Variants in EPHA5 observed in about 807,000 individuals in gnomAD.
EPHA5 encodes EPH receptor A5, also known as ephrin type-A receptor 5.
EPHA5 carries 60 observed loss-of-function variants against 105.0 expected under a neutral mutation model. The ratio of observed to expected loss-of-function variants is 0.57; its 90% CI spans 0.46 to 0.71. The LOEUF (loss-of-function observed/expected upper bound fraction) is 0.71, where lower values mean the gene tolerates loss of function less well. EPHA5 is among the 30% of genes least tolerant of loss of function. EPHA5 has a pLI of 0.00. For missense variants in EPHA5, 1,218 were observed against 1,274.7 expected, an observed-to-expected ratio of 0.96 and a Z score of 0.68; for synonymous variants, 513 against 449.1, an observed-to-expected ratio of 1.14 and a Z score of -1.80.
chr4:65,353,172 C>A (rs2148861112), intron 11 of EPHA5, 69 bp from the exon 12 acceptor site: 3 of 827,476 alleles, frequency 3.6e-6, no homozygotes, highest in Non-Finnish European at 5.1e-6. Context: ...CAAAGCTTAC[C>A]CAGAAGTTTT....
intron 3 of EPHA5, among the ~76,000 whole-genome samples, chr4:65,497,537 A>G (rs1426276942): frequency 6.6e-6 from 1 of 152,110 alleles, no homozygotes; most frequent in Non-Finnish European, 1.5e-5. Context: ...AGCTTATGCC[A>G]TACTTAGCTA....
rs141146865 is a variant in EPHA5 at position 65,362,450 on chromosome 4, T to A, written c.2173+2567A>T. 9.5e-4 allele frequency among the ~76,000 whole-genome samples: 144 copies of A among 151,746 alleles called. No individual in the cohort carries two copies. The Middle Eastern group carries it at 0.014, about 14-fold the overall frequency. On this transcript the variant is annotated intron_variant, in intron 11 of 16. Transcript: ENST00000613740. Reference sequence around the variant, plus strand: ...AGTTGAACATTAAGAGCTAAATTTATAAAGGAGAAATATTGTTTCAATTCA... The same window carrying A: ...AGTTGAACATTAAGAGCTAAATTTAAAAAGGAGAAATATTGTTTCAATTCA...
chr4:65,414,062 C>T (rs1382811267), intron 7 of EPHA5, among the ~76,000 whole-genome samples: 1 of 152,108 alleles, frequency 6.6e-6, no homozygotes, highest in Non-Finnish European at 1.5e-5. Flanking sequence ...CCTGAAGTAC[C>T]ATCTCCCAGA....
chr4:65,522,316 G>GTATATATATATATATATATATATATA lies in EPHA5; in HGVS notation c.911-26774_911-26773insTATATATATATATATATATATATATA, dbSNP rs58851174. On this transcript the variant is annotated intron_variant, in intron 3 of 16. Transcript: ENST00000613740. ...GAAATATGTGTGTGTATATATATAT[G>GTATATATATATATATATATATATATA]TATATATATATATATATAAAATCAA... is the stretch of plus-strand genomic sequence containing the variant. Among the ~76,000 whole-genome samples the GTATATATATATATATATATATATATA allele has an allele frequency of 6.6e-4, 94 of 142,830 alleles. 1 individual carries two copies. The highest frequency in any genetic ancestry group is 2.5e-3 in the African/African-American group (92 of 37,330). 93.7% of individuals were successfully genotyped at this position (142,830 alleles called of 152,430 possible).
intron 5 of EPHA5, among the ~76,000 whole-genome samples, chr4:65,446,612 A>G (rs1359754410): frequency 6.6e-6 from 1 of 152,224 alleles, no homozygotes; most frequent in Non-Finnish European, 1.5e-5. Flanking sequence ...ACTAAAGGAA[A>G]TGAATTATAA....
At chr4:65,654,529 T>C (rs1042654957) in intron 1 of EPHA5, among the ~76,000 whole-genome samples, 1 of 151,604 alleles carries the variant, frequency 6.6e-6, no homozygotes, top group African/African-American at 2.4e-5. Context: ...AGTCTTCTAA[T>C]AGCATGGCCC....
chr4:65,368,287 A>G lies in EPHA5; in HGVS notation c.1794-863T>C, dbSNP rs940280511. 5.9e-5 allele frequency among the ~76,000 whole-genome samples: 9 copies of G among 152,020 alleles called. 1 individual carries two copies. Among genetic ancestry groups the G allele is most frequent in the Non-Finnish European group, 4.4e-5 (3 of 67,982 alleles). On this transcript the variant is annotated intron_variant, in intron 8 of 16. Transcript: ENST00000613740. ...TACTTCTATCTCACTGGTTTAATTT[A>G]TTTTGAGAGTTATGTTCTTATTCCT...
At chr4:65,346,845 G>T (rs926815692) in intron 14 of EPHA5, among the ~76,000 whole-genome samples, 4 of 152,158 alleles carry the variant, frequency 2.6e-5, no homozygotes, top group Non-Finnish European at 5.9e-5. Flanking sequence ...CTTCTCAAAA[G>T]AAGACATTTA....
At chr4:65,484,501 G>A (rs531975483) in intron 5 of EPHA5, among the ~76,000 whole-genome samples, 39 of 152,250 alleles carry the variant, frequency 2.6e-4, no homozygotes, top group Middle Eastern at 3.4e-3. Flanking sequence ...AAGGTAAGGT[G>A]CAAGTTTGCT....
At chr4:65,451,416 C>T (rs1441662757) in intron 5 of EPHA5, among the ~76,000 whole-genome samples, 1 of 151,974 alleles carries the variant, frequency 6.6e-6, no homozygotes, top group Non-Finnish European at 1.5e-5. Flanking sequence ...AAACACAGTC[C>T]TTTTTCCTAG....
chr4:65,520,344 G>A (rs1347726254), intron 3 of EPHA5, among the ~76,000 whole-genome samples: 2 of 152,260 alleles, frequency 1.3e-5, no homozygotes, highest in Middle Eastern at 3.4e-3. Flanking sequence ...GCTGAAACTG[G>A]ATCCCTTCCT....
At chr4:65,551,252 A>G (rs989602066) in intron 3 of EPHA5, among the ~76,000 whole-genome samples, 2 of 66,330 alleles carry the variant, frequency 3.0e-5, no homozygotes, top group Non-Finnish European at 8.5e-5. Flanking sequence ...ATATATTTAT[A>G]TATGTGTGTG....
At chr4:65,376,165 C>CA (rs1329044847) in intron 8 of EPHA5, among the ~76,000 whole-genome samples, 1 of 151,838 alleles carries the variant, frequency 6.6e-6, no homozygotes, top group Non-Finnish European at 1.5e-5. Flanking sequence ...TAAAAAGCCC[C>CA]TAGGAAACTC....
intron 5 of EPHA5, among the ~76,000 whole-genome samples, chr4:65,478,829 T>C (rs1730083415): frequency 6.6e-6 from 1 of 152,156 alleles, no homozygotes. Flanking sequence ...TTTATCAAAA[T>C]TAGAAGAACT....
At chr4:65,503,908 T>TACACACACAC (rs34693427) in intron 3 of EPHA5, among the ~76,000 whole-genome samples, 3,014 of 145,402 alleles carry the variant, frequency 0.021, 49 homozygotes, top group Non-Finnish European at 0.031. Context: ...ATGTGTGTGA[T>TACACACACAC]ACACACACAC....
intron 5 of EPHA5, among the ~76,000 whole-genome samples, chr4:65,458,073 CAAAAAAA>C (rs10565968): frequency 1.5e-4 from 11 of 72,578 alleles, no homozygotes; most frequent in African/African-American, 3.9e-4. Context: ...CACTCCATCC[CAAAAAAA>C]AAAAAAAAAA....
At chr4:65,351,702 A>C (rs974775843) in intron 12 of EPHA5, 104 bp from the exon 13 acceptor site, 29 of 940,512 alleles carry the variant, frequency 3.1e-5, no homozygotes, top group Non-Finnish European at 4.5e-5. Context: ...CAGTCGCTAA[A>C]ATTCATATGC....
intron 14 of EPHA5, among the ~76,000 whole-genome samples, chr4:65,341,795 A>G (rs1248734077): frequency 3.3e-5 from 5 of 151,936 alleles, no homozygotes; most frequent in African/African-American, 1.2e-4. Flanking sequence ...CTAGGGCTTG[A>G]GTACCTATGT....
intron 1 of EPHA5, among the ~76,000 whole-genome samples, chr4:65,664,880 T>C (rs1252250756): frequency 6.6e-6 from 1 of 151,912 alleles, no homozygotes; most frequent in African/African-American, 2.4e-5. Flanking sequence ...AGACATGAAA[T>C]TCAAACCTCA....
Sources: allele counts gnomAD v4.1 joint callset (sites outside exome capture counted in the v4.1 genomes callset), GRCh38; gene constraint gnomAD v4.1.1; transcripts MANE v1.5; gene names NCBI Gene and HGNC (gene_info 2026-07-23, HGNC 2026-07-21).